SEMA4G: variants seen among roughly 807,000 people sequenced by gnomAD.
The protein encoded by SEMA4G is semaphorin-4G.
A neutral mutation model predicts 81.2 loss-of-function variants in SEMA4G; 59 were observed. The observed-to-expected ratio is 0.73, with a 90% CI of 0.59 to 0.90. SEMA4G has a LOEUF of 0.90. Ranked by LOEUF, SEMA4G falls within the 40% of genes least tolerant of loss-of-function variation. The pLI is 0.00. For missense variants in SEMA4G, 952 were observed against 1,102.3 expected, an observed-to-expected ratio of 0.86 and a Z score of 1.93; for synonymous variants, 404 against 433.9, an observed-to-expected ratio of 0.93 and a Z score of 0.86.
chr10:100,971,096 TCA>T (rs1345228310), upstream of SEMA4G, among the ~76,000 whole-genome samples: 1 of 147,408 alleles, frequency 6.8e-6, no homozygotes, highest in African/African-American at 2.5e-5. Context: ...ATCCACGTGT[TCA>T]CAGTCCTCCT....
exon 1 of SEMA4G, chr10:100,972,882 G>GGGT (rs1850671886): frequency 6.3e-7 from 1 of 1,584,920 alleles, no homozygotes; most frequent in Admixed American, 2.0e-5. Context: ...CTCCCTTTGG[G>GGGT]GGTCTTGTTA....
exon 14 of SEMA4G, chr10:100,984,268 G>T: frequency 1.4e-6 from 2 of 1,443,342 alleles, no homozygotes; most frequent in Non-Finnish European, 1.8e-6. Context: ...TGTCCCTGTA[G>T]GGCTGGCCAG....
chr10:100,975,980 T>A (rs1399919645), intron 3 of SEMA4G, among the ~76,000 whole-genome samples: 3 of 151,954 alleles, frequency 2.0e-5, no homozygotes. Context: ...AGGCACTGGA[T>A]GGATGAAAAT....
chr10:100,983,398 G>A lies in SEMA4G; in HGVS notation c.1784G>A (p.Trp595Ter). The change falls in exon 14 of 14, where the codon TGG becomes TAG. Residue 595 changes from tryptophan (W) to a stop codon, truncating the protein, a stop_gained. Transcript: ENST00000370250. LOFTEE classifies it high-confidence loss of function. ...CCATCCAACCTGGCCCGGGCCTTGT[G>A]GCTACTCAATGGGAGCATGGGCCTG... The A allele has an allele frequency of 2.5e-6, 4 of 1,612,086 alleles. No homozygotes were observed. Among genetic ancestry groups the A allele is most frequent in the Non-Finnish European group, 3.4e-6 (4 of 1,179,362 alleles).
chr10:100,985,457 T>C (rs1272754894), downstream of SEMA4G: 1 of 152,746 alleles, frequency 6.5e-6, no homozygotes, highest in Non-Finnish European at 1.5e-5. Context: ...CTCTCCCACC[T>C]CCACCCCACA....
intron 3 of SEMA4G, among the ~76,000 whole-genome samples, chr10:100,975,713 C>T (rs548337587): frequency 2.0e-5 from 3 of 152,102 alleles, no homozygotes; most frequent in South Asian, 2.1e-4. Flanking sequence ...AAAATTAGCC[C>T]GGCATGGTGA....
At chr10:100,975,792 C>T (rs1850754754) in intron 3 of SEMA4G, among the ~76,000 whole-genome samples, 3 of 152,016 alleles carry the variant, frequency 2.0e-5, no homozygotes, top group Non-Finnish European at 4.4e-5. Flanking sequence ...CCCAGCTACT[C>T]GGGAGGCTGA....
At chr10:100,979,775 C>T in intron 8 of SEMA4G, 73 bp from the exon 10 acceptor site, 3 of 1,574,848 alleles carry the variant, frequency 1.9e-6, no homozygotes, top group Admixed American at 3.4e-5. Flanking sequence ...CAGTGAGCTT[C>T]AGGCTGAGCA....
chr10:100,974,614 T>C (rs529898146), intron 3 of SEMA4G, among the ~76,000 whole-genome samples: 1 of 152,356 alleles, frequency 6.6e-6, no homozygotes, highest in South Asian at 2.1e-4. Flanking sequence ...TCTCAGTTAA[T>C]TCTAAAATAA....
chr10:100,981,224 A>T (rs534283434), exon 13 of SEMA4G: 6 of 1,614,072 alleles, frequency 3.7e-6, no homozygotes, highest in Non-Finnish European at 4.2e-6. Context: ...AGCAGCAGGG[A>T]TACAGGTAAG....
At chr10:100,982,473 C>G (rs1431866332) in intron 13 of SEMA4G, among the ~76,000 whole-genome samples, 1 of 152,144 alleles carries the variant, frequency 6.6e-6, no homozygotes, top group African/African-American at 2.4e-5. Context: ...ATGCCAGAAA[C>G]AGAATCTTAG....
At position 100,973,293 on chromosome 10, in the gene SEMA4G, C is replaced by G; in HGVS notation, c.273+16C>G. On this transcript the variant is annotated intron_variant, in intron 2 of 13. Coordinates refer to ENST00000370250, the Ensembl canonical transcript of SEMA4G. This position sits in a 1 kb window ranked among gnomAD's most constrained non-coding sequence, Gnocchi z 5.5. ...TCACAAAGAGGTCAGGCCCTGGAAC[C>G]TGGACCACCCAGAGGGTCTCTATGC... 6.2e-7 allele frequency: 1 copy of G among 1,611,588 alleles called. No homozygotes were observed.
intron 6 of SEMA4G, 23 bp downstream of exon 7, chr10:100,978,663 T>C: frequency 6.2e-7 from 1 of 1,601,764 alleles, no homozygotes; most frequent in Non-Finnish European, 8.6e-7. Context: ...AGGCACAGGA[T>C]GATGGGGGGT....
intron 13 of SEMA4G, chr10:100,981,566 T>A: frequency 6.2e-7 from 1 of 1,613,234 alleles, no homozygotes; most frequent in Non-Finnish European, 8.5e-7. Context: ...CAAAAGTTAA[T>A]CATCACAGCT....
At chr10:100,978,034 G>C in intron 4 of SEMA4G, 8 of 573,310 alleles carry the variant, frequency 1.4e-5, no homozygotes. Context: ...CCACAGGATG[G>C]GCTAGGGGCT....
chr10:100,978,297 T>C (rs1205461904), exon 5 of SEMA4G: 11 of 1,612,146 alleles, frequency 6.8e-6, no homozygotes, highest in South Asian at 1.1e-5. Context: ...TTCCCTAGGA[T>C]GCTGAGGCCT....
At chr10:100,983,857 G>T in exon 14 of SEMA4G, 1 of 1,582,248 alleles carries the variant, frequency 6.3e-7, no homozygotes, top group East Asian at 2.3e-5. Context: ...GGGGCTGGGG[G>T]CCTGGAGGGC....
downstream of SEMA4G, chr10:100,985,154 TTCC>T (rs1851375586): frequency 2.4e-6 from 1 of 415,460 alleles, no homozygotes; most frequent in African/African-American, 2.0e-5. Flanking sequence ...AAGCATTTGC[TTCC>T]TCTAGACTAC....
chr10:100,980,140 C>T (rs761554973), exon 10 of SEMA4G: 11 of 1,614,080 alleles, frequency 6.8e-6, no homozygotes, highest in South Asian at 2.2e-5. Flanking sequence ...AGATTCATTG[C>T]GCAGCCAAGG....
Sources: gnomAD v4.1 joint callset for allele counts (sites outside exome capture counted in the v4.1 genomes callset) on GRCh38, gnomAD v4.1.1 for gene constraint, Gnocchi (gnomAD v3.1) non-coding constraint, MANE v1.5 for transcripts, NCBI Gene and HGNC (gene_info 2026-07-23, HGNC 2026-07-21) for gene names.